NSD1: variants seen among roughly 807,000 people sequenced by gnomAD.
NSD1 encodes the protein nuclear receptor binding SET domain protein 1.
A neutral mutation model predicts 242.7 loss-of-function variants in NSD1; 26 were observed. The ratio of observed to expected loss-of-function variants is 0.11; its 90% CI spans 0.08 to 0.15. The LOEUF (loss-of-function observed/expected upper bound fraction) is 0.15. Ranked by LOEUF, NSD1 falls within the 10% of genes least tolerant of loss-of-function variation. The pLI is 1.00. For missense variants in NSD1, 2,495 were observed against 3,272.8 expected, an observed-to-expected ratio of 0.76 and a Z score of 5.80; for synonymous variants, 1,106 against 1,178.1, an observed-to-expected ratio of 0.94 and a Z score of 1.25.
At chr5:177,236,281 A>G (rs1562242665) in intron 6 of NSD1, among the ~76,000 whole-genome samples, 1 of 152,136 alleles carries the variant, frequency 6.6e-6, no homozygotes, top group Non-Finnish European at 1.5e-5. Context: ...AATATATCTT[A>G]TTTGTCTTAT....
At chr5:177,208,637 C>T (rs369512470) in intron 4 of NSD1, among the ~76,000 whole-genome samples, 9 of 151,746 alleles carry the variant, frequency 5.9e-5, no homozygotes, top group South Asian at 4.2e-4. Context: ...AAATGATTCT[C>T]GTGTCTTAGC....
rs886060443 is a variant in NSD1 at position 177,238,246 on chromosome 5, C to G, written c.3931C>G (p.Arg1311Gly). 1 of 1,613,910 alleles carries G rather than the reference C, an allele frequency of 6.2e-7. No individual in the cohort carries two copies. Among genetic ancestry groups the G allele is most frequent in the Admixed American group, 1.7e-5 (1 of 59,982 alleles). The change falls in exon 7 of 23, where the codon CGC (arginine) becomes GGC (glycine). Residue 1311 changes from arginine to glycine, a missense_variant. Arg to Gly is a moderately radical substitution (Grantham distance 125). Coordinates refer to ENST00000439151, the MANE Select transcript of NSD1 (RefSeq NM_022455.5). This position sits in a 1 kb window ranked among gnomAD's most constrained non-coding sequence, Gnocchi z 4.6. The stretch of plus-strand genomic sequence containing the variant: ...TATTTTTTGTTCTTAGGTAAGTTCC[C>G]GCTGTGAAGAGGAAAGCCTTCTAGC... ...VQEQVHKVSS[R>G]CEEESLLARG... is the part of the protein sequence containing the mutation.
At chr5:177,263,951 T>C (rs1362618481) in intron 14 of NSD1, among the ~76,000 whole-genome samples, 1 of 151,754 alleles carries the variant, frequency 6.6e-6, no homozygotes, top group Non-Finnish European at 1.5e-5. Flanking sequence ...GATTGGATCA[T>C]GGTAGTATTA....
chr5:177,222,699 T>C (rs535091504), intron 5 of NSD1, among the ~76,000 whole-genome samples: 1 of 152,314 alleles, frequency 6.6e-6, no homozygotes, highest in South Asian at 2.1e-4. Context: ...TTTTTGCCTT[T>C]TGGTTATTAA....
At chr5:177,226,165 G>C (rs1764613648) in intron 5 of NSD1, among the ~76,000 whole-genome samples, 1 of 152,058 alleles carries the variant, frequency 6.6e-6, no homozygotes, top group Non-Finnish European at 1.5e-5. Flanking sequence ...TCCCACATCA[G>C]CTTCCCAGGT....
intron 4 of NSD1, 66 bp downstream of exon 4, chr5:177,204,358 TCTTA>T (rs1762724003): frequency 1.4e-6 from 2 of 1,439,834 alleles, no homozygotes; most frequent in Admixed American, 1.7e-5. Flanking sequence ...GAAAATGGCC[TCTTA>T]TTTATTTTCG....
chr5:177,152,325 GTATGTATGTA>G (rs1757786195), intron 2 of NSD1, among the ~76,000 whole-genome samples: 5 of 142,374 alleles, frequency 3.5e-5, no homozygotes, highest in African/African-American at 1.3e-4. Flanking sequence ...GTGTGTGTAT[GTATGTATGTA>G]TGTATGTATG....
chr5:177,273,312 TAAA>T (rs11452158), intron 16 of NSD1, among the ~76,000 whole-genome samples: 4 of 90,918 alleles, frequency 4.4e-5, no homozygotes, highest in Non-Finnish European at 6.3e-5. Context: ...ACTGATGAGC[TAAA>T]AAAAAAAAAA....
At chr5:177,236,000 A>G (rs1765410728) in intron 6 of NSD1, 55 bp downstream of exon 6, 4 of 1,581,014 alleles carry the variant, frequency 2.5e-6, no homozygotes, top group African/African-American at 1.3e-5. Context: ...CTGCAATTTT[A>G]TCTTCAATGT....
intron 11 of NSD1, 68 bp from the exon 12 acceptor site, chr5:177,251,662 C>G: frequency 6.4e-7 from 1 of 1,553,128 alleles, no homozygotes; most frequent in Non-Finnish European, 8.9e-7. Context: ...CTTTAACCCA[C>G]TGACACTGGT....
rs2149845180 is a variant in NSD1 at position 177,210,709 on chromosome 5, T to A, written c.2310T>A (p.Gly770=). 1 of 1,614,132 alleles carries A rather than the reference T, an allele frequency of 6.2e-7. No individual in the cohort carries two copies. Among genetic ancestry groups the A allele is most frequent in the Non-Finnish European group, 8.5e-7 (1 of 1,180,008 alleles). Residue 770 remains glycine (G), a synonymous_variant, in exon 5 of 23, where the codon GGT becomes GGA. Transcript: ENST00000439151. ...CCAGTGAGAACTCGTTAATAAAGGG[T>A]GGGGCAGCAAATCAAGCTCTATTAC... The part of the protein sequence containing the change: ...SISSENSLIK[G]GAANQALLHS...
intron 2 of NSD1, among the ~76,000 whole-genome samples, chr5:177,171,238 C>T (rs28485772): frequency 0.078 from 11,871 of 151,398 alleles, 969 homozygotes; most frequent in African/African-American, 0.21. Flanking sequence ...ACCAGGGGGG[C>T]AGAGATTGCA....
chr5:177,288,964 G>A, intron 21 of NSD1, 39 bp downstream of exon 21: 1 of 1,394,708 alleles, frequency 7.2e-7, no homozygotes, highest in Non-Finnish European at 1.0e-6. Flanking sequence ...GATTAGTGGT[G>A]CGGTCCTCCC....
intron 2 of NSD1, among the ~76,000 whole-genome samples, chr5:177,147,351 C>T (rs1048504530): frequency 1.3e-5 from 2 of 152,170 alleles, no homozygotes; most frequent in Non-Finnish European, 2.9e-5. Flanking sequence ...AAGCAATCCG[C>T]CTGCCTTGGC....
chr5:177,286,292 A>G (rs541395459), intron 20 of NSD1, among the ~76,000 whole-genome samples: 201 of 152,306 alleles, frequency 1.3e-3, no homozygotes, highest in African/African-American at 4.7e-3. Flanking sequence ...AATTTGAGCC[A>G]CTAGTTACTT....
At chr5:177,139,593 A>G (rs774902465) in intron 2 of NSD1, among the ~76,000 whole-genome samples, 20 of 152,244 alleles carry the variant, frequency 1.3e-4, no homozygotes, top group Non-Finnish European at 2.8e-4. Flanking sequence ...AGTTATTGAT[A>G]TAGTAGGTAT....
At chr5:177,215,709 T>C (rs1190768151) in intron 5 of NSD1, among the ~76,000 whole-genome samples, 1 of 151,950 alleles carries the variant, frequency 6.6e-6, no homozygotes, top group East Asian at 1.9e-4. Context: ...GCCAGGCTGG[T>C]CTCAAATTCC....
intron 12 of NSD1, 114 bp downstream of exon 12, chr5:177,251,967 A>G: frequency 7.6e-7 from 1 of 1,321,154 alleles, no homozygotes. Flanking sequence ...GTTGTTACAG[A>G]TATAGAAATG....
intron 5 of NSD1, among the ~76,000 whole-genome samples, chr5:177,218,450 A>C (rs1395534204): frequency 1.3e-5 from 2 of 150,814 alleles, no homozygotes; most frequent in Admixed American, 1.3e-4. Flanking sequence ...TGTGAAGGTC[A>C]TGTAGTTTTT....
Sources: gnomAD v4.1 joint callset for allele counts (sites outside exome capture counted in the v4.1 genomes callset) on GRCh38, gnomAD v4.1.1 for gene constraint, Gnocchi (gnomAD v3.1) non-coding constraint, MANE v1.5 for transcripts, NCBI Gene and HGNC (gene_info 2026-07-23, HGNC 2026-07-21) for gene names.